The following OR5A2 variants were observed in gnomAD, a reference collection of about 807,000 sequenced individuals.
OR5A2 encodes the protein olfactory receptor family 5 subfamily A member 2, also known as olfactory receptor 5A2.
For synonymous variants in OR5A2, 155 were observed against 151.1 expected (o/e 1.03, Z -0.19); for missense variants, 406 against 398.9 (o/e 1.02, Z -0.15).
rs753223412 is a variant in OR5A2, at chr11:59,422,178, A to G, written c.776T>C (p.Met259Thr). Residue 259 changes from methionine (M) to threonine (T), a missense_variant, in exon 2 of 2, where the codon ATG becomes ACG. Met to Thr is a moderately conservative substitution (Grantham distance 81). Coordinates refer to ENST00000302040, the MANE Select transcript of OR5A2 (RefSeq NM_001001954.2). ...GTAGCTGGAACTGGGTCGCATGTAC[A>G]TGAAGAATCCAGAACCATAGAAGAG... is the stretch of plus-strand genomic sequence containing the variant. ...VTLFYGSGFFMYMRPSSSYSL... is the reference protein window; with the variant it reads ...VTLFYGSGFFTYMRPSSSYSL... The G allele has an allele frequency of 4.3e-6, 7 of 1,614,166 alleles. No homozygotes were observed. In the Admixed American group the frequency reaches 5.0e-5, roughly 12 times the overall value.
Position 59,420,430 on chromosome 11 carries a change from TATAATA to T in OR5A2, c.*1543_*1548del, listed in dbSNP as rs1009136561. On this transcript the variant is annotated 3_prime_UTR_variant, in exon 2 of 2. Coordinates refer to ENST00000302040, the MANE Select transcript of OR5A2 (RefSeq NM_001001954.2). ...CTATTTGGATAATGATTAAGCATTA[TATAATA>T]ATAATAATAGTAATAGCACCTCTGG... The T allele has an allele frequency of 2.0e-5, 3 of 152,080 alleles. No homozygotes were observed. The highest frequency in any genetic ancestry group is 2.9e-5 in the Non-Finnish European group (2 of 67,998). The allele number at this position is 152,080 out of a possible 1,614,324, so 9.4% of individuals were successfully genotyped here. A position where few individuals can be genotyped will look rare whatever the true frequency, so the allele number is the denominator to read the frequency against.
In OR5A2 at chr11:59,419,225, A is replaced by C. The variant is rs2134520745; in HGVS notation, c.*2754T>G. ...CTGTTGGCTGAGACTGATATGTCTC[A>C]ATTGGAGTGGATACCCTAAACTTAT... On this transcript the variant is annotated 3_prime_UTR_variant, in exon 2 of 2. Coordinates refer to ENST00000302040, the MANE Select transcript of OR5A2 (RefSeq NM_001001954.2). 1.3e-5 allele frequency: 2 copies of C among 152,286 alleles called. No individual in the cohort carries two copies. The highest frequency in any genetic ancestry group is 6.8e-3 in the Middle Eastern group (2 of 294). 9.4% of individuals were successfully genotyped at this position (152,286 alleles called of 1,614,324 possible).
At position 59,417,997 on chromosome 11, in the gene OR5A2, G is replaced by A. The variant is rs1383438517; in HGVS notation, c.*3982C>T. On this transcript the variant is annotated 3_prime_UTR_variant, in exon 2 of 2. Coordinates refer to ENST00000302040, the MANE Select transcript of OR5A2 (RefSeq NM_001001954.2). ...CTCTCTGTGTGTAAATTGTGTCACA[G>A]AAGCATTTTAGAGAAAAAAATATAT... The A allele has an allele frequency of 6.6e-6, 1 of 152,070 alleles. No homozygotes were observed. Among genetic ancestry groups the A allele is most frequent in the East Asian group, 1.9e-4 (1 of 5,154 alleles). The allele number at this position is 152,070 out of a possible 1,614,324, so 9.4% of individuals were successfully genotyped here.
At chr11:59,425,981 A>C (rs1179144685) in intron 1 of OR5A2, 190 bp downstream of exon 1, 3 of 152,240 alleles carry the variant, frequency 2.0e-5, no homozygotes, top group East Asian at 3.8e-4. Context: ...ACACTTATTT[A>C]GTACTTATTG....
chr11:59,421,983 C>A lies in OR5A2; in HGVS notation c.971G>T (p.Gly324Val). The A allele has an allele frequency of 6.2e-7, 1 of 1,601,352 alleles. No individual in the cohort carries two copies. Among genetic ancestry groups the A allele is most frequent in the Non-Finnish European group, 8.5e-7 (1 of 1,173,218 alleles). The part of the protein sequence containing the change: ...HGGPFIFMTL[G>V] ...CTCACAGCTTCATTGTAAACATTAGCCCAAGGTCATAAAAATGAATGGTCC... is the reference window on the plus strand; with the variant it reads ...CTCACAGCTTCATTGTAAACATTAGACCAAGGTCATAAAAATGAATGGTCC... The change falls in exon 2 of 2, where the codon GGC becomes GTC. Residue 324 changes from glycine (G) to valine (V), a missense_variant. Transcript: ENST00000302040.
rs1182869522 is a variant in OR5A2, at chr11:59,422,537, A to G, written c.417T>C (p.His139=). ...CAACCACCATCTTTAAACAAAGTGT[A>G]TGGGATATGAGGACTGTGTAAAGCA... ...NPLLYTVLIS[H]TLCLKMVVGA... The change falls in exon 2 of 2, where the codon CAT becomes CAC. Residue 139 remains histidine, a synonymous_variant. Transcript: ENST00000302040. The G allele has an allele frequency of 6.2e-7, 1 of 1,614,218 alleles. No homozygotes were observed. Among genetic ancestry groups the G allele is most frequent in the Admixed American group, 1.7e-5 (1 of 60,034 alleles).
rs779385620 is a variant in OR5A2 at position 59,422,748 on chromosome 11, A to G, written c.206T>C (p.Phe69Ser). The change falls in exon 2 of 2, where the codon TTC becomes TCC. Residue 69 changes from phenylalanine to serine, a missense_variant. Transcript: ENST00000302040. ...PMYFFLSNLS[F>S]LDICYVSSTA... ...GGAGGACACATAGCAGATGTCCAGG[A>G]AGGACAGGTTACTGAGGAAGAAGTA... 20 of 1,614,114 alleles carry G rather than the reference A, an allele frequency of 1.2e-5. No homozygotes were observed. Among genetic ancestry groups the G allele is most frequent in the Non-Finnish European group, 1.6e-5 (19 of 1,179,952 alleles).
Position 59,422,311 on chromosome 11 carries a change from C to A in OR5A2, c.643G>T (p.Val215Phe). The change falls in exon 2 of 2, where the codon GTC becomes TTC. Residue 215 changes from valine (V) to phenylalanine (F), a missense_variant. Transcript: ENST00000302040. Reference protein sequence around the residue: ...VVVGIVSVLVVLISYGYIVAA... With the variant: ...VVVGIVSVLVFLISYGYIVAA... ...ACAATGTAACCATAAGAGATGAGGA[C>A]CACTAGCACAGACACTATTCCAACG... is the stretch of plus-strand genomic sequence containing the variant. 6.2e-7 allele frequency: 1 copy of A among 1,614,032 alleles called. No homozygotes were observed. The highest frequency in any genetic ancestry group is 8.5e-7 in the Non-Finnish European group (1 of 1,180,000).
rs762247472 is a variant in OR5A2, at chr11:59,422,565, G to T, written c.389C>A (p.Pro130His). The T allele has an allele frequency of 6.2e-7, 1 of 1,614,150 alleles. No homozygotes were observed. Among genetic ancestry groups the T allele is most frequent in the Non-Finnish European group, 8.5e-7 (1 of 1,180,028 alleles). The part of the protein sequence containing the change: ...AYDRYAAICN[P>H]LLYTVLISHT... ...GGATATGAGGACTGTGTAAAGCAAG[G>T]GGTTGCAGATTGCAGCATACCGGTC... The change falls in exon 2 of 2, where the codon CCC (proline) becomes CAC (histidine). Residue 130 changes from proline (P) to histidine (H), a missense_variant. Pro to His is a moderately conservative substitution (Grantham distance 77, BLOSUM62 -2). Transcript: ENST00000302040.
At chr11:59,423,588 T>G (rs1858259281) in intron 1 of OR5A2, 1 of 150,848 alleles carries the variant, frequency 6.6e-6, no homozygotes, top group Non-Finnish European at 1.5e-5. Flanking sequence ...GGAAAAAAAT[T>G]TGTGTGTGTG....
chr11:59,423,700 T>C (rs1858260878), intron 1 of OR5A2: 1 of 152,146 alleles, frequency 6.6e-6, no homozygotes, highest in Admixed American at 6.6e-5. Flanking sequence ...TTTGTGCATA[T>C]ATATGCACAC....
Position 59,420,375 on chromosome 11 carries a change from A to G in OR5A2, c.*1604T>C, listed in dbSNP as rs1858207450. 1 of 152,108 alleles carries G rather than the reference A, an allele frequency of 6.6e-6. No individual in the cohort carries two copies. Among genetic ancestry groups the G allele is most frequent in the Admixed American group, 6.6e-5 (1 of 15,260 alleles). 9.4% of individuals were successfully genotyped at this position (152,108 alleles called of 1,614,324 possible). On this transcript the variant is annotated 3_prime_UTR_variant, in exon 2 of 2. Coordinates refer to ENST00000302040, the MANE Select transcript of OR5A2 (RefSeq NM_001001954.2). Reference sequence around the variant, plus strand: ...AGCCATTGCAAAAATTACATTTCCTACCAAACTAAGGAAATCTCTTCTATT... The same window carrying G: ...AGCCATTGCAAAAATTACATTTCCTGCCAAACTAAGGAAATCTCTTCTATT...
chr11:59,422,451 T>C lies in OR5A2; in HGVS notation c.503A>G (p.Asp168Gly), dbSNP rs754166207. 3.7e-6 allele frequency: 6 copies of C among 1,613,912 alleles called. No homozygotes were observed. The highest frequency in any genetic ancestry group is 5.1e-6 in the Non-Finnish European group (6 of 1,180,004). Residue 168 changes from aspartate (D) to glycine (G), a missense_variant, in exon 2 of 2, where the codon GAT becomes GGT. Physicochemically the swap from Asp to Gly is moderately conservative, Grantham distance 94 (BLOSUM62 -1). Coordinates refer to ENST00000302040, the MANE Select transcript of OR5A2 (RefSeq NM_001001954.2). Reference sequence around the variant, plus strand: ...GTTGATCATATAGGGCCCACAGAAATCATGCTGATAGACAGAGTATGTTTC... The same window carrying C: ...GTTGATCATATAGGGCCCACAGAAACCATGCTGATAGACAGAGTATGTTTC... Reference protein sequence around the residue: ...FIETYSVYQHDFCGPYMINHF... With the variant: ...FIETYSVYQHGFCGPYMINHF...
chr11:59,421,731 G>A lies in OR5A2; in HGVS notation c.*248C>T, dbSNP rs1858222650. ...ATACAAACTCTGTTTTAACATTCCA[G>A]GATGTTTTTTGTCATGATGAAGTTT... On this transcript the variant is annotated 3_prime_UTR_variant, in exon 2 of 2. Coordinates refer to ENST00000302040, the MANE Select transcript of OR5A2 (RefSeq NM_001001954.2). 1 of 421,482 alleles carries A rather than the reference G, an allele frequency of 2.4e-6. No individual in the cohort carries two copies. The highest frequency in any genetic ancestry group is 3.9e-5 in the Admixed American group (1 of 25,948). The allele number at this position is 421,482 out of a possible 1,614,324, so 26.1% of individuals were successfully genotyped here.
At position 59,417,592 on chromosome 11, in the gene OR5A2, C is replaced by T. The variant is rs141076006; in HGVS notation, c.*4387G>A. The T allele has an allele frequency of 2.5e-4, 38 of 152,166 alleles. No homozygotes were observed. Among genetic ancestry groups the T allele is most frequent in the African/African-American group, 9.1e-4 (38 of 41,544 alleles). The allele number at this position is 152,166 out of a possible 1,614,324, so 9.4% of individuals were successfully genotyped here. ...GCTGATGGAAGAACGTGCTGGCATA[C>T]ATGGCGTATCACCTTACATGCAAGA... On this transcript the variant is annotated 3_prime_UTR_variant, in exon 2 of 2. Coordinates refer to ENST00000302040, the MANE Select transcript of OR5A2 (RefSeq NM_001001954.2).
rs1005833170 is a variant in OR5A2 at position 59,417,196 on chromosome 11, G to A, written c.*4783C>T. On this transcript the variant is annotated 3_prime_UTR_variant, in exon 2 of 2. Coordinates refer to ENST00000302040, the MANE Select transcript of OR5A2 (RefSeq NM_001001954.2). ...AGCTGCCGGTTTATTTATAGAATGTGGTCCCACCCAAAGTGTGCGGTTAGT... is the reference window on the plus strand; with the variant it reads ...AGCTGCCGGTTTATTTATAGAATGTAGTCCCACCCAAAGTGTGCGGTTAGT... 1.3e-5 allele frequency: 2 copies of A among 151,948 alleles called. No homozygotes were observed. The highest frequency in any genetic ancestry group is 6.6e-5 in the Admixed American group (1 of 15,226). 9.4% of individuals were successfully genotyped at this position (151,948 alleles called of 1,614,324 possible).
At chr11:59,424,921 G>A (rs1484141518) in intron 1 of OR5A2, 1 of 152,126 alleles carries the variant, frequency 6.6e-6, no homozygotes, top group African/African-American at 2.4e-5. Flanking sequence ...GAAGTAAGAG[G>A]AATTTGGTAT....
chr11:59,422,929 T>C lies in OR5A2; in HGVS notation c.25A>G (p.Ile9Val), dbSNP rs1350479163. MAVGRNNT[I>V]VTKFILLGLS... ...CCCAGGAGAATGAATTTTGTCACAA[T>C]TGTGTTGTTCCTTCCTACAGCCATA... The change falls in exon 2 of 2, where the codon ATT (isoleucine) becomes GTT (valine). Residue 9 changes from isoleucine (I) to valine (V), a missense_variant. Coordinates refer to ENST00000302040, the MANE Select transcript of OR5A2 (RefSeq NM_001001954.2). The C allele has an allele frequency of 1.9e-6, 3 of 1,613,740 alleles. No individual in the cohort carries two copies. Among genetic ancestry groups the C allele is most frequent in the Admixed American group, 1.7e-5 (1 of 59,996 alleles).
chr11:59,422,621 A>C lies in OR5A2; in HGVS notation c.333T>G (p.Thr111=). Residue 111 remains threonine (T), a synonymous_variant, in exon 2 of 2, where the codon ACT becomes ACG. Transcript: ENST00000302040. ...CCATAGCTGCCAGGAGAAAGCATTC[A>C]GTCAGCCCCATCCCACAGAAGACAA... is the stretch of plus-strand genomic sequence containing the variant. The part of the protein sequence containing the change: ...QYFVFCGMGL[T]ECFLLAAMAY... The C allele has an allele frequency of 6.2e-7, 1 of 1,614,214 alleles. No homozygotes were observed. The highest frequency in any genetic ancestry group is 2.2e-5 in the East Asian group (1 of 44,880).
Sources: allele counts gnomAD v4.1 joint callset, GRCh38; gene constraint gnomAD v4.1.1; transcripts MANE v1.5; gene names NCBI Gene and HGNC (gene_info 2026-07-23, HGNC 2026-07-21).